CACNA2D3: variants seen among roughly 807,000 people sequenced by gnomAD.
CACNA2D3 encodes calcium voltage-gated channel auxiliary subunit alpha2delta 3, also known as voltage-dependent calcium channel subunit alpha-2/delta-3.
Under a neutral mutation model 160.6 loss-of-function variants are expected in CACNA2D3, and 60 were observed. The observed-to-expected ratio is 0.37, with a 90% CI of 0.30 to 0.46. The LOEUF is 0.46. CACNA2D3 is among the 20% of genes least tolerant of loss of function. The pLI is 1.00. For synonymous variants in CACNA2D3, 558 were observed against 492.9 expected, an observed-to-expected ratio of 1.13 and a Z score of -1.75; for missense variants, 1,205 against 1,365.0, an observed-to-expected ratio of 0.88 and a Z score of 1.85.
chr3:54,171,120 A>G (rs189712421), intron 2 of CACNA2D3, among the ~76,000 whole-genome samples: 2 of 96,458 alleles, frequency 2.1e-5, no homozygotes, highest in African/African-American at 7.0e-5. Context: ...TTCTGTTTAC[A>G]TTTTAAAGAT....
chr3:54,430,431 A>G (rs536497565), intron 4 of CACNA2D3, among the ~76,000 whole-genome samples: 6 of 152,228 alleles, frequency 3.9e-5, no homozygotes. Flanking sequence ...AAGATTGCCC[A>G]TGGATTATTT....
intron 5 of CACNA2D3, among the ~76,000 whole-genome samples, chr3:54,544,530 A>G (rs1702030751): frequency 6.6e-6 from 1 of 152,108 alleles, no homozygotes; most frequent in Non-Finnish European, 1.5e-5. Context: ...TAACCTCCCA[A>G]GTAGCTAGAA....
chr3:54,368,948 G>A (rs1030915340), intron 3 of CACNA2D3, among the ~76,000 whole-genome samples: 27 of 151,810 alleles, frequency 1.8e-4, no homozygotes, highest in African/African-American at 6.0e-4. Flanking sequence ...TGATCCTCCC[G>A]CCTCAGCCTC....
At chr3:54,156,236 A>G (rs1700240909) in intron 2 of CACNA2D3, among the ~76,000 whole-genome samples, 2 of 152,194 alleles carry the variant, frequency 1.3e-5, no homozygotes, top group African/African-American at 4.8e-5. Context: ...CAAGAAGGAC[A>G]TCCATAAAGG....
chr3:54,854,205 G>A (rs1367052813), intron 17 of CACNA2D3, among the ~76,000 whole-genome samples: 1 of 152,172 alleles, frequency 6.6e-6, no homozygotes, highest in African/African-American at 2.4e-5. Flanking sequence ...AAACAAGACT[G>A]TGTGACCCCA....
chr3:54,814,242 G>A (rs181718797), intron 13 of CACNA2D3, among the ~76,000 whole-genome samples: 29 of 152,266 alleles, frequency 1.9e-4, no homozygotes, highest in Non-Finnish European at 2.6e-4. Context: ...TCATCCAGCC[G>A]TTGCTAATTA....
At chr3:55,036,331 C>G (rs1217647527) in intron 35 of CACNA2D3, among the ~76,000 whole-genome samples, 2 of 152,052 alleles carry the variant, frequency 1.3e-5, no homozygotes, top group East Asian at 3.9e-4. Flanking sequence ...CCTGTAATCC[C>G]AGCTACTCGG....
chr3:54,156,474 A>G (rs897559184), intron 2 of CACNA2D3, among the ~76,000 whole-genome samples: 1 of 152,178 alleles, frequency 6.6e-6, no homozygotes, highest in Non-Finnish European at 1.5e-5. Context: ...GTGGAGCACC[A>G]ATTGCATCTG....
intron 2 of CACNA2D3, among the ~76,000 whole-genome samples, chr3:54,317,945 C>T (rs1052111587): frequency 6.6e-6 from 1 of 152,208 alleles, no homozygotes; most frequent in Non-Finnish European, 1.5e-5. Flanking sequence ...CTTATTATCT[C>T]TTATTAGGCC....
intron 2 of CACNA2D3, among the ~76,000 whole-genome samples, chr3:54,310,135 C>A (rs1051053789): frequency 6.6e-6 from 1 of 151,930 alleles, no homozygotes; most frequent in Non-Finnish European, 1.5e-5. Context: ...GATTGGAATA[C>A]CTGTGTGAAA....
rs543522295 is a variant in CACNA2D3 at position 54,939,698 on chromosome 3, C to A, written c.2450-28752C>A. ...CATTTGTCATGGCTGTTTCCCTATT[C>A]AGAAGCCGCCCCTGCAGGCCCACCC... On this transcript the variant is annotated intron_variant, in intron 27 of 37. Transcript: ENST00000474759. Among the ~76,000 whole-genome samples the A allele has an allele frequency of 6.6e-5, 10 of 152,334 alleles. 1 individual carries two copies. The highest frequency in any genetic ancestry group is 2.4e-4 in the African/African-American group (10 of 41,584).
chr3:54,983,323 ATTAAAT>A (rs1188635679), intron 29 of CACNA2D3, among the ~76,000 whole-genome samples: 2 of 152,354 alleles, frequency 1.3e-5, no homozygotes, highest in Middle Eastern at 6.8e-3. Context: ...TTAAGTTGAA[ATTAAAT>A]TTAAATTTAC....
At chr3:54,755,771 C>A (rs528316770) in intron 12 of CACNA2D3, among the ~76,000 whole-genome samples, 1 of 151,710 alleles carries the variant, frequency 6.6e-6, no homozygotes, top group African/African-American at 2.4e-5. Flanking sequence ...CCATTTTTTC[C>A]TTTATTCTGT....
At chr3:54,649,283 G>A (rs1699714260) in intron 11 of CACNA2D3, among the ~76,000 whole-genome samples, 1 of 152,134 alleles carries the variant, frequency 6.6e-6, no homozygotes, top group African/African-American at 2.4e-5. Flanking sequence ...GAAATGTAGG[G>A]TCTTTATAAA....
chr3:54,597,070 AG>A (rs1182002770), intron 9 of CACNA2D3, among the ~76,000 whole-genome samples: 2 of 152,204 alleles, frequency 1.3e-5, no homozygotes, highest in Admixed American at 1.3e-4. Flanking sequence ...GAAGGAAGAA[AG>A]AAGCACATCC....
chr3:54,403,354 C>G (rs13075651), intron 4 of CACNA2D3, among the ~76,000 whole-genome samples: 16,299 of 99,610 alleles, frequency 0.16, 1,087 homozygotes, highest in African/African-American at 0.24. Context: ...GACCCTATCT[C>G]AAACACACAC....
chr3:54,222,215 T>TG, intron 2 of CACNA2D3, among the ~76,000 whole-genome samples: 1 of 152,330 alleles, frequency 6.6e-6, no homozygotes, highest in East Asian at 1.9e-4. Context: ...GTAAGCAAGC[T>TG]GGGGATCCAG....
intron 29 of CACNA2D3, among the ~76,000 whole-genome samples, chr3:54,984,076 C>T (rs1226894561): frequency 6.6e-6 from 1 of 152,184 alleles, no homozygotes; most frequent in Non-Finnish European, 1.5e-5. Flanking sequence ...GCCCCTTTAA[C>T]AGAAGTCTGC....
chr3:54,809,600 G>A (rs1703244325), intron 13 of CACNA2D3, among the ~76,000 whole-genome samples: 1 of 139,706 alleles, frequency 7.2e-6, no homozygotes, highest in African/African-American at 3.2e-5. Context: ...TTACAGGCGT[G>A]AGCCACCGCG....
Sources: gnomAD v4.1 joint callset for allele counts (sites outside exome capture counted in the v4.1 genomes callset) on GRCh38, gnomAD v4.1.1 for gene constraint, MANE v1.5 for transcripts, NCBI Gene and HGNC (gene_info 2026-07-23, HGNC 2026-07-21) for gene names.